The following CATSPERB variants were observed in gnomAD, a reference collection of about 807,000 sequenced individuals.
CATSPERB encodes the protein cation channel sperm-associated auxiliary subunit beta.
In CATSPERB, 93 loss-of-function variants were observed where a neutral mutation model predicts 128.3. That is an observed-to-expected ratio of 0.72 (90% CI 0.61 to 0.86). The LOEUF (loss-of-function observed/expected upper bound fraction) is 0.86, where lower values mean the gene tolerates loss of function less well. Ranked by LOEUF, CATSPERB falls within the 40% of genes least tolerant of loss-of-function variation. CATSPERB has a pLI of 0.00. For synonymous variants in CATSPERB, 381 were observed against 448.8 expected, an observed-to-expected ratio of 0.85 and a Z score of 1.91; for missense variants, 1,153 against 1,329.5, an observed-to-expected ratio of 0.87 and a Z score of 2.06.
intron 7 of CATSPERB, 54 bp from the exon 8 acceptor site, chr14:91,693,533 C>T: frequency 7.6e-7 from 1 of 1,321,008 alleles, no homozygotes; most frequent in East Asian, 2.3e-5. Context: ...AGGTGAGTCA[C>T]CTTCAGGGGC....
At chr14:91,612,664 A>C (rs1743152) in intron 20 of CATSPERB, among the ~76,000 whole-genome samples, 101,439 of 152,028 alleles carry the variant, frequency 0.67, 34,637 homozygotes, top group Admixed American at 0.76. Flanking sequence ...ATACTAATAA[A>C]CGTAGTGATA....
intron 14 of CATSPERB, among the ~76,000 whole-genome samples, chr14:91,669,442 C>G (rs1895048460): frequency 6.6e-6 from 1 of 151,824 alleles, no homozygotes; most frequent in East Asian, 1.9e-4. Flanking sequence ...GCCAGAAAGT[C>G]AAGCTCAAAG....
chr14:91,587,476 A>ATTTTTTTTTTT (rs1893324019), intron 25 of CATSPERB, among the ~76,000 whole-genome samples, 200 bp from the exon 26 acceptor site: 1 of 74,802 alleles, frequency 1.3e-5, no homozygotes, highest in Admixed American at 1.7e-4. Flanking sequence ...AATAGCTGAT[A>ATTTTTTTTTTT]CTTTTTTTTT....
At chr14:91,655,551 G>GA (rs1894772353) in intron 15 of CATSPERB, among the ~76,000 whole-genome samples, 2 of 152,038 alleles carry the variant, frequency 1.3e-5, no homozygotes, top group Non-Finnish European at 2.9e-5. Flanking sequence ...ACATACTGAA[G>GA]AATTATCAGA....
At chr14:91,652,670 C>CAAAAAAAAAAAAAAAAAAAAAAAAA (rs58608847) in intron 15 of CATSPERB, among the ~76,000 whole-genome samples, 2 of 69,166 alleles carry the variant, frequency 2.9e-5, no homozygotes, top group Non-Finnish European at 5.0e-5. Flanking sequence ...GACTCTGTCT[C>CAAAAAAAAAAAAAAAAAAAAAAAAA]AAAAAAAAAA....
At chr14:91,622,210 A>T (rs79083269) in intron 18 of CATSPERB, among the ~76,000 whole-genome samples, 1 of 150,586 alleles carries the variant, frequency 6.6e-6, no homozygotes, top group Non-Finnish European at 1.5e-5. Flanking sequence ...AAGAAAGCTG[A>T]TTTTTTTTTT....
chr14:91,713,704 C>T (rs1895882040), intron 5 of CATSPERB, among the ~76,000 whole-genome samples: 1 of 152,034 alleles, frequency 6.6e-6, no homozygotes, highest in Non-Finnish European at 1.5e-5. Flanking sequence ...AAGAAAACTC[C>T]AAGCCCAGAT....
intron 20 of CATSPERB, among the ~76,000 whole-genome samples, chr14:91,615,414 G>A (rs978286363): frequency 6.6e-6 from 1 of 152,146 alleles, no homozygotes; most frequent in Non-Finnish European, 1.5e-5. Flanking sequence ...GGTTCCTGGT[G>A]CCAAAAAGGT....
chr14:91,669,809 C>A lies in CATSPERB; in HGVS notation c.1287+5G>T, dbSNP rs183182433. 5.6e-6 allele frequency: 9 copies of A among 1,608,718 alleles called. No individual in the cohort carries two copies. In the Admixed American group the frequency reaches 6.8e-5, roughly 12 times the overall value. ...AACACAGACTGAAGTTCCATGTGTA[C>A]GCACCTGATTGCCATAAGCATACAA... On this transcript the variant is annotated splice_donor_5th_base_variant and intron_variant, in intron 14 of 26. Coordinates refer to ENST00000256343, the MANE Select transcript of CATSPERB (RefSeq NM_024764.4).
At chr14:91,661,976 G>T (rs971377252) in intron 14 of CATSPERB, among the ~76,000 whole-genome samples, 14 of 152,036 alleles carry the variant, frequency 9.2e-5, no homozygotes, top group Non-Finnish European at 1.5e-4. Flanking sequence ...TTTTACTCAT[G>T]ATCAGAATGA....
At chr14:91,708,518 A>C (rs1895775462) in intron 5 of CATSPERB, among the ~76,000 whole-genome samples, 1 of 152,232 alleles carries the variant, frequency 6.6e-6, no homozygotes, top group Non-Finnish European at 1.5e-5. Context: ...GATAAAAAGC[A>C]AATTGTGACT....
intron 22 of CATSPERB, chr14:91,592,285 G>T (rs1430025456): frequency 2.4e-6 from 1 of 408,228 alleles, no homozygotes; most frequent in African/African-American, 2.1e-5. Context: ...TCTGAATTCT[G>T]CATCCCAGGA....
chr14:91,591,740 C>G, intron 23 of CATSPERB, 152 bp downstream of exon 23: 1 of 615,318 alleles, frequency 1.6e-6, no homozygotes, highest in Non-Finnish European at 2.9e-6. Flanking sequence ...ACATTTAAAT[C>G]TGGATCTTTC....
At chr14:91,586,571 A>AGAGAGAGAGAAAGAGAGAGAG (rs374162982) in intron 26 of CATSPERB, among the ~76,000 whole-genome samples, 4 of 114,244 alleles carry the variant, frequency 3.5e-5, no homozygotes, top group South Asian at 6.4e-4. Context: ...GAGAGAGAGA[A>AGAGAGAGAGAAAGAGAGAGAG]AGAGAGAGAG....
chr14:91,628,018 C>A (rs1339692943), intron 17 of CATSPERB, among the ~76,000 whole-genome samples: 1 of 152,110 alleles, frequency 6.6e-6, no homozygotes, highest in African/African-American at 2.4e-5. Flanking sequence ...CTAGAGTTAT[C>A]TTCAGTGATT....
chr14:91,708,302 G>T, intron 5 of CATSPERB, 66 bp from the exon 6 acceptor site: 1 of 1,047,058 alleles, frequency 9.6e-7, no homozygotes, highest in Non-Finnish European at 1.5e-6. Flanking sequence ...GAAATTTAAG[G>T]ATATGTGAAC....
chr14:91,711,265 C>G (rs1895835853), intron 5 of CATSPERB, among the ~76,000 whole-genome samples: 1 of 152,184 alleles, frequency 6.6e-6, no homozygotes. Flanking sequence ...GACAGAGTCT[C>G]TGTCTCCCAG....
intron 14 of CATSPERB, 47 bp downstream of exon 14, chr14:91,669,767 G>A (rs377446348): frequency 3.1e-5 from 48 of 1,551,672 alleles, no homozygotes; most frequent in Non-Finnish European, 3.9e-5. Flanking sequence ...CATACAGTAG[G>A]TGGATGATTT....
chr14:91,640,992 A>G (rs1290129327), intron 15 of CATSPERB, among the ~76,000 whole-genome samples: 2 of 147,234 alleles, frequency 1.4e-5, no homozygotes, highest in Non-Finnish European at 3.0e-5. Context: ...GCCAGTGATG[A>G]TGAGCATTTT....
Sources: gnomAD v4.1 joint callset for allele counts (sites outside exome capture counted in the v4.1 genomes callset) on GRCh38, gnomAD v4.1.1 for gene constraint, MANE v1.5 for transcripts, NCBI Gene and HGNC (gene_info 2026-07-23, HGNC 2026-07-21) for gene names.